HABP4: variants seen among roughly 807,000 people sequenced by gnomAD.
The protein encoded by HABP4 is hyaluronan binding protein 4, also known as intracellular hyaluronan-binding protein 4.
In HABP4, 32 loss-of-function variants were observed where a neutral mutation model predicts 44.1. The observed-to-expected ratio is 0.73, with a 90% CI of 0.55 to 0.97. The LOEUF (loss-of-function observed/expected upper bound fraction) is 0.97, where lower values mean the gene tolerates loss of function less well. Among genes scored for constraint, HABP4 ranks in the 50% least tolerant of loss-of-function variants. The pLI is 0.00. For synonymous variants in HABP4, 216 were observed against 218.0 expected (o/e 0.99, Z 0.08); for missense variants, 503 against 561.9 (o/e 0.90, Z 1.06).
chr9:96,478,319 G>C (rs1038304923), intron 5 of HABP4, among the ~76,000 whole-genome samples: 4 of 152,168 alleles, frequency 2.6e-5, no homozygotes, highest in Admixed American at 2.0e-4. Flanking sequence ...TTTTAGTAGA[G>C]ACGGGGTTTC....
intron 5 of HABP4, 137 bp from the exon 6 acceptor site, chr9:96,484,325 G>T (rs759475093): frequency 3.6e-6 from 2 of 554,908 alleles, no homozygotes; most frequent in African/African-American, 1.9e-5. Context: ...GTGAGTCAAA[G>T]ATTTCCTTAC....
intron 1 of HABP4, among the ~76,000 whole-genome samples, chr9:96,456,709 G>A (rs13289316): frequency 0.026 from 3,597 of 137,892 alleles, 67 homozygotes; most frequent in Middle Eastern, 0.064. Context: ...GCAGTGAGCC[G>A]AGATGGCGCC....
At chr9:96,486,316 C>T (rs746913347) in intron 6 of HABP4, among the ~76,000 whole-genome samples, 9 of 152,206 alleles carry the variant, frequency 5.9e-5, no homozygotes, top group Non-Finnish European at 8.8e-5. Context: ...TAGACATAGG[C>T]GGCCGGAGCT....
chr9:96,468,159 C>G (rs1832635911), intron 4 of HABP4, among the ~76,000 whole-genome samples: 1 of 151,968 alleles, frequency 6.6e-6, no homozygotes, highest in Non-Finnish European at 1.5e-5. Flanking sequence ...CTTGGCTTAC[C>G]ATAACCTTGA....
chr9:96,458,264 T>C, intron 1 of HABP4, 115 bp from the exon 2 acceptor site: 2 of 1,068,682 alleles, frequency 1.9e-6, no homozygotes, highest in Non-Finnish European at 2.9e-6. Flanking sequence ...ACTTCCTGAA[T>C]TCTCCTATGA....
intron 5 of HABP4, among the ~76,000 whole-genome samples, chr9:96,473,738 C>T (rs1380028314): frequency 6.6e-6 from 1 of 152,166 alleles, no homozygotes; most frequent in East Asian, 1.9e-4. Context: ...TTATCCCACC[C>T]CTGCCCTCAC....
intron 1 of HABP4, among the ~76,000 whole-genome samples, chr9:96,454,036 A>G (rs1438573565): frequency 6.6e-6 from 1 of 152,200 alleles, no homozygotes; most frequent in East Asian, 1.9e-4. Context: ...TTATTCTAAT[A>G]AGTAGCCAAT....
chr9:96,487,891 T>C (rs1833002488), intron 6 of HABP4, among the ~76,000 whole-genome samples, 198 bp from the exon 7 acceptor site: 1 of 152,210 alleles, frequency 6.6e-6, no homozygotes, highest in Non-Finnish European at 1.5e-5. Flanking sequence ...CAGAACTCAC[T>C]GTCTTAGAAT....
intron 4 of HABP4, among the ~76,000 whole-genome samples, chr9:96,466,968 G>C (rs1234496924): frequency 6.6e-6 from 1 of 150,406 alleles, no homozygotes; most frequent in African/African-American, 2.5e-5. Context: ...TGTCACCCAG[G>C]CTGGAGTGCA....
intron 2 of HABP4, 130 bp downstream of exon 2, chr9:96,458,671 TG>T: frequency 1.6e-6 from 1 of 616,546 alleles, no homozygotes; most frequent in Non-Finnish European, 2.7e-6. Context: ...TCGCCCAGGC[TG>T]GAGTGCAATG....
At chr9:96,475,190 C>T (rs1004829779) in intron 5 of HABP4, among the ~76,000 whole-genome samples, 2 of 152,040 alleles carry the variant, frequency 1.3e-5, no homozygotes, top group Admixed American at 1.3e-4. Flanking sequence ...TCTTGGCTAA[C>T]ACGGTGAAAC....
intron 1 of HABP4, among the ~76,000 whole-genome samples, chr9:96,456,780 A>AAATATATAT (rs1554724388): frequency 4.5e-5 from 2 of 44,772 alleles, no homozygotes; most frequent in Non-Finnish European, 7.5e-5. Flanking sequence ...AAAAAAAAAA[A>AAATATATAT]ATATATATAT....
At chr9:96,489,872 G>A (rs1833055946) in intron 7 of HABP4, 110 bp from the exon 8 acceptor site, 10 of 767,438 alleles carry the variant, frequency 1.3e-5, no homozygotes, top group Non-Finnish European at 2.4e-5. Flanking sequence ...TGTGGGTCCT[G>A]CCTCTAATGC....
chr9:96,489,857 C>A, intron 7 of HABP4, 125 bp from the exon 8 acceptor site: 1 of 729,018 alleles, frequency 1.4e-6, no homozygotes. Context: ...CTCTCCCCTT[C>A]CCACTGTGGG....
intron 2 of HABP4, among the ~76,000 whole-genome samples, chr9:96,462,753 C>G (rs369255280): frequency 6.6e-6 from 1 of 151,834 alleles, no homozygotes; most frequent in East Asian, 1.9e-4. Context: ...TGGTGAAACC[C>G]GCATCTCTAC....
intron 5 of HABP4, among the ~76,000 whole-genome samples, chr9:96,478,823 G>T (rs1671165560): frequency 6.6e-6 from 1 of 151,844 alleles, no homozygotes; most frequent in South Asian, 2.1e-4. Context: ...TAGAGATGGG[G>T]TCTCGTTTTG....
intron 5 of HABP4, among the ~76,000 whole-genome samples, chr9:96,478,345 C>A (rs1487009119): frequency 1.3e-5 from 2 of 152,126 alleles, no homozygotes; most frequent in Non-Finnish European, 2.9e-5. Context: ...GTTGGCCAGG[C>A]TGGTCTCGAA....
At chr9:96,489,060 C>T (rs1461756387) in intron 7 of HABP4, among the ~76,000 whole-genome samples, 1 of 152,174 alleles carries the variant, frequency 6.6e-6, no homozygotes, top group Non-Finnish European at 1.5e-5. Context: ...GCACAGACCC[C>T]TTCTCTGTGG....
intron 5 of HABP4, among the ~76,000 whole-genome samples, chr9:96,474,932 T>C (rs1163816783): frequency 6.6e-6 from 1 of 152,186 alleles, no homozygotes; most frequent in Non-Finnish European, 1.5e-5. Context: ...TTTCCTCAAA[T>C]AGGACATATT....
Sources: gnomAD v4.1 joint callset for allele counts (sites outside exome capture counted in the v4.1 genomes callset) on GRCh38, gnomAD v4.1.1 for gene constraint, MANE v1.5 for transcripts, NCBI Gene and HGNC (gene_info 2026-07-23, HGNC 2026-07-21) for gene names.